GRB14: variants seen among roughly 807,000 people sequenced by gnomAD.
GRB14 encodes the protein growth factor receptor bound protein 14, also known as growth factor receptor-bound protein 14.
GRB14 carries 38 observed loss-of-function variants against 69.1 expected under a neutral mutation model. That is an observed-to-expected ratio of 0.55 (90% CI 0.42 to 0.72). The LOEUF (loss-of-function observed/expected upper bound fraction) is 0.72. GRB14 is among the 30% of genes least tolerant of loss of function. The pLI is 0.00. For synonymous variants in GRB14, 247 were observed against 241.3 expected (o/e 1.02, Z -0.22); for missense variants, 666 against 666.1 (o/e 1.00, Z 0.00).
chr2:164,528,216 G>T (rs1219049462), intron 3 of GRB14, among the ~76,000 whole-genome samples: 1 of 152,098 alleles, frequency 6.6e-6, no homozygotes, highest in African/African-American at 2.4e-5. Flanking sequence ...TCTTGATCTT[G>T]GGGTTGGTTA....
intron 2 of GRB14, among the ~76,000 whole-genome samples, chr2:164,564,265 A>T (rs1182933861): frequency 6.6e-6 from 1 of 152,196 alleles, no homozygotes; most frequent in Non-Finnish European, 1.5e-5. Context: ...GGCAAACGAT[A>T]TGCTGCAGTG....
chr2:164,564,293 T>C (rs567327757), intron 2 of GRB14, among the ~76,000 whole-genome samples: 36 of 152,282 alleles, frequency 2.4e-4, no homozygotes, highest in African/African-American at 7.5e-4. Context: ...CAAGGGAAGC[T>C]GGGCAGGCTG....
At chr2:164,617,959 TG>T (rs68125620) in intron 2 of GRB14, among the ~76,000 whole-genome samples, 14,427 of 76,368 alleles carry the variant, frequency 0.19, 1,055 homozygotes, top group East Asian at 0.48. Flanking sequence ...ATCTTTTTTT[TG>T]GGGGGGGGGG....
intron 2 of GRB14, among the ~76,000 whole-genome samples, chr2:164,605,259 G>C (rs1437556190): frequency 6.6e-6 from 1 of 152,104 alleles, no homozygotes; most frequent in Non-Finnish European, 1.5e-5. Flanking sequence ...GAAATAAAGA[G>C]GAGCCAAAGA....
chr2:164,590,029 C>T (rs1689625555), intron 2 of GRB14, among the ~76,000 whole-genome samples: 1 of 152,030 alleles, frequency 6.6e-6, no homozygotes, highest in Admixed American at 6.6e-5. Flanking sequence ...CATGAGGGCT[C>T]CACCTTCCTT....
chr2:164,541,355 T>C (rs1212212617), intron 3 of GRB14, among the ~76,000 whole-genome samples: 2 of 151,674 alleles, frequency 1.3e-5, no homozygotes, highest in South Asian at 4.2e-4. Context: ...GCCTGTAATC[T>C]CAGCTACTTG....
intron 3 of GRB14, among the ~76,000 whole-genome samples, chr2:164,530,647 T>C (rs1687906231): frequency 6.6e-6 from 1 of 151,600 alleles, no homozygotes; most frequent in African/African-American, 2.4e-5. Context: ...AAAAAAACCC[T>C]TGAGGTGAGA....
At chr2:164,608,023 C>G (rs757601079) in intron 2 of GRB14, among the ~76,000 whole-genome samples, 1 of 152,128 alleles carries the variant, frequency 6.6e-6, no homozygotes, top group Non-Finnish European at 1.5e-5. Flanking sequence ...AGCAATTGGC[C>G]AAATCAGACT....
At chr2:164,556,792 G>T (rs1032209684) in intron 2 of GRB14, among the ~76,000 whole-genome samples, 2 of 152,120 alleles carry the variant, frequency 1.3e-5, no homozygotes, top group East Asian at 1.9e-4. Context: ...CCATAAGAAC[G>T]ATGTATGACA....
chr2:164,514,815 C>T (rs982149845), intron 6 of GRB14, among the ~76,000 whole-genome samples: 13 of 152,132 alleles, frequency 8.5e-5, no homozygotes, highest in Non-Finnish European at 1.3e-4. Context: ...TTGCCTGAGG[C>T]AAGTTCTCAG....
At position 164,547,788 on chromosome 2, in the gene GRB14, G is replaced by A. The variant is rs775739438; in HGVS notation, c.353C>T (p.Thr118Ile). The A allele has an allele frequency of 6.2e-6, 10 of 1,613,032 alleles. No individual in the cohort carries two copies. Among genetic ancestry groups the A allele is most frequent in the South Asian group, 2.2e-5 (2 of 90,956 alleles). ...QVIKVYSEDE[T>I]SRALDVPSDI... ...ACTGGGTACATCTAAAGCCCTGCTG[G>A]TTTCATCTTCACTGTATACTTTAAT... Residue 118 changes from threonine to isoleucine, a missense_variant, in exon 3 of 14, where the codon ACC becomes ATC. Thr to Ile is a moderately conservative substitution (Grantham distance 89, BLOSUM62 -1). Transcript: ENST00000263915.
At chr2:164,560,868 T>G (rs1420566483) in intron 2 of GRB14, among the ~76,000 whole-genome samples, 2 of 152,174 alleles carry the variant, frequency 1.3e-5, no homozygotes, top group African/African-American at 4.8e-5. Context: ...AATTCCTCTT[T>G]GAGAATTATC....
intron 2 of GRB14, among the ~76,000 whole-genome samples, chr2:164,584,998 G>C (rs1257445781): frequency 6.7e-6 from 1 of 148,536 alleles, no homozygotes; most frequent in Non-Finnish European, 1.5e-5. Flanking sequence ...CTAGAGTGCA[G>C]TGGTGTGGTC....
chr2:164,621,204 C>T lies in GRB14; in HGVS notation c.106G>A (p.Ala36Thr). Reference protein sequence around the residue: ...VCGAAQGRGDAHDLAPAPWLH... With the variant: ...VCGAAQGRGDTHDLAPAPWLH... ...CAGGGGGCCGGCGCCAGGTCGTGGG[C>T]GTCGCCCCTCCCCTGGGCAGCGCCA... Residue 36 changes from alanine (A) to threonine (T), a missense_variant, in exon 1 of 14, where the codon GCC becomes ACC. Ala to Thr is a moderately conservative substitution (Grantham distance 58). Transcript: ENST00000263915. This position sits in a 1 kb window ranked among gnomAD's most constrained non-coding sequence, Gnocchi z 6.0. 8.0e-7 allele frequency: 1 copy of T among 1,243,816 alleles called. No homozygotes were observed. The highest frequency in any genetic ancestry group is 1.0e-6 in the Non-Finnish European group (1 of 989,760). The allele number at this position is 1,243,816 out of a possible 1,614,324, so 77.0% of individuals were successfully genotyped here.
intron 12 of GRB14, 37 bp downstream of exon 12, chr2:164,496,971 A>G (rs376363842): frequency 2.1e-4 from 309 of 1,498,802 alleles, no homozygotes; most frequent in Middle Eastern, 8.6e-4. Flanking sequence ...GAGAAATCCA[A>G]TTCACAAGTA....
At chr2:164,563,430 C>T (rs1688886207) in intron 2 of GRB14, among the ~76,000 whole-genome samples, 2 of 152,152 alleles carry the variant, frequency 1.3e-5, no homozygotes, top group African/African-American at 4.8e-5. Flanking sequence ...CCTGACTCCT[C>T]TTGTATCCAG....
At chr2:164,562,923 T>C (rs1014733880) in intron 2 of GRB14, among the ~76,000 whole-genome samples, 1 of 152,210 alleles carries the variant, frequency 6.6e-6, no homozygotes, top group African/African-American at 2.4e-5. Context: ...TTCACTAAAA[T>C]GCAAATACCA....
At chr2:164,581,108 C>T (rs1000428879) in intron 2 of GRB14, among the ~76,000 whole-genome samples, 2 of 152,156 alleles carry the variant, frequency 1.3e-5, no homozygotes, top group Non-Finnish European at 2.9e-5. Context: ...ATACAAACCA[C>T]CCATATTTCT....
chr2:164,503,611 T>C (rs530662146), intron 8 of GRB14, among the ~76,000 whole-genome samples: 2 of 152,324 alleles, frequency 1.3e-5, no homozygotes, highest in Admixed American at 1.3e-4. Context: ...ATTTTTTAAT[T>C]TAAGGTTTGA....
Sources: allele counts gnomAD v4.1 joint callset (sites outside exome capture counted in the v4.1 genomes callset), GRCh38; gene constraint gnomAD v4.1.1; non-coding constraint Gnocchi (gnomAD v3.1); transcripts MANE v1.5; gene names NCBI Gene and HGNC (gene_info 2026-07-23, HGNC 2026-07-21).